Variants in JAK2 observed in about 807,000 individuals in gnomAD.
JAK2 encodes Janus kinase 2.
In JAK2, 86 loss-of-function variants were observed where a neutral mutation model predicts 139.3. The observed-to-expected ratio is 0.62, with a 90% CI of 0.52 to 0.74. JAK2 has a LOEUF of 0.74. Among genes scored for constraint, JAK2 ranks in the 30% least tolerant of loss-of-function variants. The pLI is 0.00. For missense variants in JAK2, 1,421 were observed against 1,360.3 expected, an observed-to-expected ratio of 1.04 and a Z score of -0.70; for synonymous variants, 490 against 437.7, an observed-to-expected ratio of 1.12 and a Z score of -1.49.
intron 8 of JAK2, among the ~76,000 whole-genome samples, chr9:5,063,764 A>G (rs907900485): frequency 2.6e-5 from 4 of 152,204 alleles, no homozygotes; most frequent in Non-Finnish European, 4.4e-5. Flanking sequence ...TTTTCATTAT[A>G]TAACTGACTT....
chr9:5,033,977 T>G (rs11525937), intron 4 of JAK2, among the ~76,000 whole-genome samples: 29,887 of 152,150 alleles, frequency 0.2, 3,430 homozygotes, highest in Middle Eastern at 0.28. Flanking sequence ...CCCATCAGTG[T>G]GCTGTATTCA....
intron 22 of JAK2, chr9:5,109,835 C>T (rs1470746282): frequency 1.3e-5 from 2 of 152,120 alleles, no homozygotes; most frequent in Admixed American, 6.5e-5. Flanking sequence ...CAAATATTTT[C>T]CTCATCACAG....
At chr9:5,047,339 T>C (rs1279174523) in intron 5 of JAK2, among the ~76,000 whole-genome samples, 1 of 152,226 alleles carries the variant, frequency 6.6e-6, no homozygotes, top group Non-Finnish European at 1.5e-5. Flanking sequence ...ACAGTACCTG[T>C]AGGAAGACAG....
chr9:5,114,644 G>A lies in JAK2; in HGVS notation c.3060-8360G>A, dbSNP rs571084973. The A allele has an allele frequency of 6.2e-5, 29 of 467,798 alleles. 1 individual carries two copies. The highest frequency in any genetic ancestry group is 4.3e-4 in the South Asian group (26 of 61,118). 29.0% of individuals were successfully genotyped at this position (467,798 alleles called of 1,614,324 possible). A position where few individuals can be genotyped will look rare whatever the true frequency, so the allele number is the denominator to read the frequency against. ...TCCCGGACACTTGGCACAGCATGAC[G>A]CAGCCCCGCAAAACCAAGGGCTCTG... On this transcript the variant is annotated intron_variant, in intron 22 of 24. Transcript: ENST00000381652.
chr9:5,119,533 A>G (rs539116361), intron 22 of JAK2, among the ~76,000 whole-genome samples: 7 of 152,302 alleles, frequency 4.6e-5, no homozygotes, highest in African/African-American at 1.2e-4. Context: ...GATGATATAT[A>G]TATCTGGCAT....
chr9:5,086,125 C>A, intron 19 of JAK2: 1 of 417,446 alleles, frequency 2.4e-6, no homozygotes, highest in South Asian at 2.8e-5. Flanking sequence ...GGCAGCGGCG[C>A]GCGGCCCCGG....
At chr9:5,122,317 A>T (rs1823679639) in intron 22 of JAK2, among the ~76,000 whole-genome samples, 1 of 152,084 alleles carries the variant, frequency 6.6e-6, no homozygotes, top group Non-Finnish European at 1.5e-5. Flanking sequence ...GAACAATGAC[A>T]CCATTGCTGT....
intron 19 of JAK2, among the ~76,000 whole-genome samples, chr9:5,088,948 T>TGACA (rs1407169737): frequency 6.6e-6 from 1 of 152,234 alleles, no homozygotes; most frequent in African/African-American, 2.4e-5. Flanking sequence ...AAGGGGTCAC[T>TGACA]GACATTTAGC....
intron 5 of JAK2, among the ~76,000 whole-genome samples, chr9:5,048,204 T>TGATCC (rs1048107602): frequency 2.0e-5 from 3 of 151,988 alleles, no homozygotes; most frequent in Admixed American, 6.6e-5. Flanking sequence ...TGCAATGGCG[T>TGATCC]GATCTCGGCT....
intron 4 of JAK2, among the ~76,000 whole-genome samples, chr9:5,037,954 C>A (rs1253176299): frequency 3.3e-5 from 5 of 152,098 alleles, no homozygotes; most frequent in Non-Finnish European, 1.5e-5. Flanking sequence ...AACAGTGTAT[C>A]CATTTAACAA....
At chr9:4,994,090 ATTAGTCTTTC>A (rs973333128) in intron 2 of JAK2, among the ~76,000 whole-genome samples, 4 of 152,146 alleles carry the variant, frequency 2.6e-5, no homozygotes, top group African/African-American at 9.7e-5. Flanking sequence ...ACTTGTTTTT[ATTAGTCTTTC>A]TTAAATGTGT....
chr9:5,128,828 T>C lies in JAK2; in HGVS notation c.*2037T>C, dbSNP rs985348180. On this transcript the variant is annotated 3_prime_UTR_variant, in exon 25 of 25. Transcript: ENST00000381652. ...TTCTGTACAAGAAACAGGTAAGTAA[T>C]TATTGTACCAGTTAATGCCAAAATA... Among the ~76,000 whole-genome samples the C allele has an allele frequency of 6.6e-6, 1 of 152,024 alleles. No individual in the cohort carries two copies. Among genetic ancestry groups the C allele is most frequent in the Non-Finnish European group, 1.5e-5 (1 of 67,876 alleles).
At chr9:5,041,895 T>C (rs536679598) in intron 4 of JAK2, 1 of 415,948 alleles carries the variant, frequency 2.4e-6, no homozygotes, top group East Asian at 6.4e-5. Context: ...TCAGGGCGCC[T>C]GCAGAGATGG....
rs780530013 is a variant in JAK2 at position 5,054,588 on chromosome 9, A to G, written c.640A>G (p.Ile214Val). 2 of 1,596,498 alleles carry G rather than the reference A, an allele frequency of 1.3e-6. No individual in the cohort carries two copies. The highest frequency in any genetic ancestry group is 8.5e-7 in the Non-Finnish European group (1 of 1,170,190). Residue 214 changes from isoleucine to valine, a missense_variant, in exon 7 of 25, where the codon ATT becomes GTT. Physicochemically the swap from Ile to Val is conservative, Grantham distance 29 (BLOSUM62 3). Coordinates refer to ENST00000381652, the MANE Select transcript of JAK2 (RefSeq NM_004972.4). This position sits in a 1 kb window ranked among gnomAD's most constrained non-coding sequence, Gnocchi z 4.9. ...ISYKTFLPKC[I>V]RAKIQDYHIL... is the part of the protein sequence containing the mutation. ...CTACAAGACATTCTTACCAAAATGTATTCGAGCAAAGATCCAAGACTATCA... is the reference window on the plus strand; with the variant it reads ...CTACAAGACATTCTTACCAAAATGTGTTCGAGCAAAGATCCAAGACTATCA...
At chr9:5,049,597 GTCT>G (rs1167322681) in intron 5 of JAK2, among the ~76,000 whole-genome samples, 3 of 152,282 alleles carry the variant, frequency 2.0e-5, no homozygotes, top group African/African-American at 7.2e-5. Context: ...CCTATATCAT[GTCT>G]GGTGTTATAA....
At chr9:5,027,618 T>C (rs538111472) in intron 3 of JAK2, among the ~76,000 whole-genome samples, 2 of 152,306 alleles carry the variant, frequency 1.3e-5, no homozygotes, top group African/African-American at 4.8e-5. Flanking sequence ...TGCTATTTGA[T>C]AGCATTTTAC....
intron 22 of JAK2, chr9:5,110,729 G>T: frequency 2.8e-6 from 1 of 361,144 alleles, no homozygotes; most frequent in African/African-American, 2.1e-5. Context: ...GCTGGCTATA[G>T]TACCCGTGTT....
rs1412899485 is a variant in JAK2 at position 5,086,009 on chromosome 9, T to C, written c.2572-3665T>C. On this transcript the variant is annotated intron_variant, in intron 19 of 24. Transcript: ENST00000381652. ...ACGGGGTTGTGTGATGAAACTGTGA[T>C]ATACTATATACATTTGGACAGGCAG... is the stretch of plus-strand genomic sequence containing the variant. 3.0e-5 allele frequency: 25 copies of C among 822,220 alleles called. No homozygotes were observed. The East Asian group carries it at 3.4e-4, about 11-fold the overall frequency. 50.9% of individuals were successfully genotyped at this position (822,220 alleles called of 1,614,324 possible). A position where few individuals can be genotyped will look rare whatever the true frequency, so the allele number is the denominator to read the frequency against.
intron 5 of JAK2, among the ~76,000 whole-genome samples, chr9:5,049,685 G>A (rs961542420): frequency 6.6e-6 from 1 of 152,170 alleles, no homozygotes; most frequent in Non-Finnish European, 1.5e-5. Flanking sequence ...ATACAGTCAT[G>A]TGTCACTTAC....
Sources: allele counts gnomAD v4.1 joint callset (sites outside exome capture counted in the v4.1 genomes callset), GRCh38; gene constraint gnomAD v4.1.1; non-coding constraint Gnocchi (gnomAD v3.1); transcripts MANE v1.5; gene names NCBI Gene and HGNC (gene_info 2026-07-23, HGNC 2026-07-21).